FBLN7: variants seen among roughly 807,000 people sequenced by gnomAD.
FBLN7 encodes the protein fibulin 7.
A neutral mutation model predicts 44.0 loss-of-function variants in FBLN7; 31 were observed. That is an observed-to-expected ratio of 0.70 (90% CI 0.53 to 0.95). The LOEUF (loss-of-function observed/expected upper bound fraction) is 0.95. Ranked by LOEUF, FBLN7 falls within the 40% of genes least tolerant of loss-of-function variation. FBLN7 has a pLI of 0.00. For synonymous variants in FBLN7, 262 were observed against 253.4 expected (o/e 1.03, Z -0.32); for missense variants, 573 against 618.5 (o/e 0.93, Z 0.78).
At chr2:112,161,353 C>A (rs571244578) in intron 2 of FBLN7, among the ~76,000 whole-genome samples, 1 of 152,290 alleles carries the variant, frequency 6.6e-6, no homozygotes, top group African/African-American at 2.4e-5. Context: ...CAGCTCTCAA[C>A]GGCACTGAGT....
the FBLN7 span, among the ~76,000 whole-genome samples, chr2:112,208,405 CACAAA>C: frequency 9.2e-5 from 14 of 152,088 alleles, no homozygotes; most frequent in South Asian, 4.2e-4. Flanking sequence ...CATCTCAAAA[CACAAA>C]ACAAAACAAA....
chr2:112,176,934 ATTTT>A (rs11301330), intron 4 of FBLN7: 3 of 143,592 alleles, frequency 2.1e-5, no homozygotes, highest in Admixed American at 6.9e-5. Flanking sequence ...CCACTGTGGG[ATTTT>A]TTTTTTTTTT....
At chr2:112,220,947 T>C in the FBLN7 span, among the ~76,000 whole-genome samples, 2 of 152,212 alleles carry the variant, frequency 1.3e-5, no homozygotes, top group Non-Finnish European at 2.9e-5. Context: ...ATGATCTTCT[T>C]GTGTAGAATT....
chr2:112,161,140 G>A (rs984033992), intron 2 of FBLN7, among the ~76,000 whole-genome samples: 4 of 152,180 alleles, frequency 2.6e-5, no homozygotes. Context: ...AGAGATGGGC[G>A]GCTGGTTTTC....
chr2:112,232,512 T>G, the FBLN7 span, among the ~76,000 whole-genome samples: 5 of 152,290 alleles, frequency 3.3e-5, no homozygotes, highest in African/African-American at 1.2e-4. Flanking sequence ...CAGGCATGTT[T>G]CATATATGAA....
the FBLN7 span, among the ~76,000 whole-genome samples, chr2:112,204,694 G>A: frequency 2.6e-5 from 4 of 152,028 alleles, no homozygotes; most frequent in African/African-American, 7.2e-5. Flanking sequence ...CCAAGAATTC[G>A]ATATCAGCCA....
intron 2 of FBLN7, among the ~76,000 whole-genome samples, 194 bp downstream of exon 2, chr2:112,160,029 C>G (rs917203887): frequency 6.6e-6 from 1 of 151,866 alleles, no homozygotes; most frequent in Non-Finnish European, 1.5e-5. Flanking sequence ...CTCGCTCTGT[C>G]GCCCAGGCTG....
At position 112,160,764 on chromosome 2, in the gene FBLN7, GCACACGCAGA is replaced by G. The variant is rs1681780814; in HGVS notation, c.235+931_235+940del. Among the ~76,000 whole-genome samples, 12 of 38,100 alleles carry G rather than the reference GCACACGCAGA, an allele frequency of 3.1e-4. No homozygotes were observed. In the South Asian group the frequency reaches 4.3e-3, roughly 14 times the overall value. The allele number at this position is 38,100 out of a possible 152,430, so 25.0% of individuals were successfully genotyped here. A position where few individuals can be genotyped will look rare whatever the true frequency, so the allele number is the denominator to read the frequency against. ...CACACACGCGCACGCACACACGCAC[GCACACGCAGA>G]CGCACACGCACGCACACGCACACAC... On this transcript the variant is annotated intron_variant, in intron 2 of 7. Coordinates refer to ENST00000331203, the MANE Select transcript of FBLN7 (RefSeq NM_153214.3).
At chr2:112,220,909 G>A in the FBLN7 span, among the ~76,000 whole-genome samples, 2 of 152,176 alleles carry the variant, frequency 1.3e-5, no homozygotes, top group East Asian at 3.8e-4. Context: ...TTTGACCTTG[G>A]AGAATCTGAT....
At chr2:112,208,727 G>C in the FBLN7 span, among the ~76,000 whole-genome samples, 1 of 152,094 alleles carries the variant, frequency 6.6e-6, no homozygotes, top group Non-Finnish European at 1.5e-5. Flanking sequence ...CAGTCTGATA[G>C]TTTTTAATAT....
At chr2:112,236,531 C>A in the FBLN7 span, 17 of 1,606,462 alleles carry the variant, frequency 1.1e-5, no homozygotes, top group Middle Eastern at 1.7e-4. Flanking sequence ...ATGCAGGGGT[C>A]AGGTATTCCT....
the FBLN7 span, among the ~76,000 whole-genome samples, chr2:112,223,646 G>A: frequency 6.6e-6 from 1 of 152,200 alleles, no homozygotes; most frequent in East Asian, 1.9e-4. Context: ...TGAGAAAGAA[G>A]AAATGCTAAC....
chr2:112,235,201 C>CT, the FBLN7 span, among the ~76,000 whole-genome samples: 21 of 152,178 alleles, frequency 1.4e-4, 1 homozygote, highest in Middle Eastern at 3.2e-3. Context: ...AACAAGGGAG[C>CT]TGACTGTACA....
the FBLN7 span, among the ~76,000 whole-genome samples, chr2:112,209,945 A>T: frequency 6.6e-6 from 1 of 151,984 alleles, no homozygotes; most frequent in African/African-American, 2.4e-5. Context: ...TACCAAGTGG[A>T]GCCGGAGCAC....
intron 2 of FBLN7, among the ~76,000 whole-genome samples, chr2:112,163,654 CT>C (rs1217026472): frequency 1.3e-5 from 2 of 152,208 alleles, no homozygotes; most frequent in African/African-American, 4.8e-5. Flanking sequence ...CTACCCTGGC[CT>C]GAGCTTCCCT....
intron 1 of FBLN7, among the ~76,000 whole-genome samples, chr2:112,145,097 C>A (rs1558868685): frequency 6.6e-6 from 1 of 152,174 alleles, no homozygotes; most frequent in Non-Finnish European, 1.5e-5. Flanking sequence ...CTTACCAGAA[C>A]TTAGAGTTCT....
chr2:112,159,630 T>C, intron 1 of FBLN7, 46 bp from the exon 2 acceptor site: 4 of 1,453,032 alleles, frequency 2.8e-6, no homozygotes, highest in Non-Finnish European at 3.7e-6. Flanking sequence ...CATGTGGGAC[T>C]GAGTCAGTCT....
chr2:112,147,905 G>A (rs1680966591), intron 1 of FBLN7, among the ~76,000 whole-genome samples: 1 of 152,130 alleles, frequency 6.6e-6, no homozygotes, highest in Non-Finnish European at 1.5e-5. Context: ...GTCTGCTGTG[G>A]CCAAAAAGAG....
chr2:112,181,622 T>C (rs1026211541), intron 4 of FBLN7, 117 bp from the exon 5 acceptor site: 6 of 1,217,336 alleles, frequency 4.9e-6, no homozygotes, highest in Non-Finnish European at 6.4e-6. Flanking sequence ...TACTCCAGAG[T>C]AAGCCCTTTG....
Sources: gnomAD v4.1 joint callset for allele counts (sites outside exome capture counted in the v4.1 genomes callset) on GRCh38, gnomAD v4.1.1 for gene constraint, MANE v1.5 for transcripts, NCBI Gene and HGNC (gene_info 2026-07-23, HGNC 2026-07-21) for gene names.